The following RUFY4 variants were observed in gnomAD, a reference collection of about 807,000 sequenced individuals.
RUFY4 encodes the protein RUN and FYVE domain containing 4.
RUFY4 carries 73 observed loss-of-function variants against 69.0 expected under a neutral mutation model. The ratio of observed to expected loss-of-function variants is 1.06; its 90% CI spans 0.88 to 1.29. The LOEUF is 1.29. Ranked by LOEUF, RUFY4 falls within the 50% of genes most tolerant of loss-of-function variation. RUFY4 has a pLI of 0.00. For missense variants in RUFY4, 770 were observed against 705.6 expected (o/e 1.09, Z -1.03); for synonymous variants, 287 against 271.8 (o/e 1.06, Z -0.55).
chr2:218,038,012 A>T (rs2106024278), intron 2 of RUFY4, among the ~76,000 whole-genome samples: 1 of 152,318 alleles, frequency 6.6e-6, no homozygotes, highest in Non-Finnish European at 1.5e-5. Flanking sequence ...TTCATAAAAA[A>T]CATTATCCTC....
chr2:218,080,397 G>A (rs1161909943), intron 8 of RUFY4, among the ~76,000 whole-genome samples: 1 of 152,194 alleles, frequency 6.6e-6, no homozygotes, highest in East Asian at 1.9e-4. Flanking sequence ...GGCCCATGGG[G>A]CTGTGAAAAC....
chr2:218,049,700 G>T (rs1356992790), intron 2 of RUFY4, among the ~76,000 whole-genome samples: 1 of 151,910 alleles, frequency 6.6e-6, no homozygotes, highest in African/African-American at 2.4e-5. Flanking sequence ...TAGTGACGGG[G>T]TTTCTCCCTG....
intron 10 of RUFY4, chr2:218,089,606 C>T: frequency 8.8e-6 from 6 of 684,506 alleles, no homozygotes; most frequent in East Asian, 5.4e-5. Context: ...CTCCAAGAGC[C>T]GATTGAGAAA....
chr2:218,082,751 C>T (rs1404199344), intron 8 of RUFY4, among the ~76,000 whole-genome samples: 1 of 148,636 alleles, frequency 6.7e-6, no homozygotes, highest in African/African-American at 2.5e-5. Flanking sequence ...GTGGTGTGTG[C>T]ATTATATATG....
In RUFY4 at chr2:218,084,363, C is replaced by T. The variant is rs147902311; in HGVS notation, c.1502+1107C>T. Among the ~76,000 whole-genome samples, 1,355 of 152,116 alleles carry T rather than the reference C, an allele frequency of 8.9e-3. 6 individuals carry two copies. Among genetic ancestry groups the T allele is most frequent in the Middle Eastern group, 0.02 (6 of 294 alleles). ...TCTCCTGCCTCAGCCTTCCAAGTAG[C>T]TGGGACTACAGGTGTATGCCACCAT... On this transcript the variant is annotated intron_variant, in intron 9 of 10. Coordinates refer to ENST00000344321, the Ensembl canonical transcript of RUFY4.
Position 218,085,572 on chromosome 2 carries a change from T to C in RUFY4, c.1502+2316T>C, listed in dbSNP as rs183250384. ...AAAATGGTTGGAGAAGTGGATACTG[T>C]GTGAAGCCCAAGTTTTTTGTAGGAT... On this transcript the variant is annotated intron_variant, in intron 9 of 10. Transcript: ENST00000344321. Among the ~76,000 whole-genome samples the C allele has an allele frequency of 8.6e-3, 1,317 of 152,324 alleles. 12 individuals carry two copies. The highest frequency in any genetic ancestry group is 0.014 in the Non-Finnish European group (931 of 68,028).
intron 9 of RUFY4, among the ~76,000 whole-genome samples, chr2:218,088,855 CT>C (rs1461576391): frequency 6.6e-6 from 1 of 151,976 alleles, no homozygotes; most frequent in Non-Finnish European, 1.5e-5. Context: ...CTCTGTGTCT[CT>C]TTCTCTGTGT....
exon 11 of RUFY4, chr2:218,090,170 A>G (rs1434460037): frequency 1.6e-5 from 9 of 552,990 alleles, no homozygotes; most frequent in Non-Finnish European, 2.0e-5. Context: ...CATTCTAGAC[A>G]CTGAAGATCT....
chr2:218,089,575 G>A (rs1237249314), intron 10 of RUFY4: 5 of 663,748 alleles, frequency 7.5e-6, no homozygotes, highest in Admixed American at 4.5e-5. Context: ...AATGGGGTCC[G>A]GGGAGTGGGA....
intron 9 of RUFY4, among the ~76,000 whole-genome samples, chr2:218,083,629 T>C (rs1291126812): frequency 6.6e-6 from 1 of 151,888 alleles, no homozygotes; most frequent in African/African-American, 2.4e-5. Context: ...GTGCCTGTAG[T>C]CCCAGCTACT....
chr2:218,072,677 C>T lies in RUFY4; in HGVS notation c.280-102C>T, dbSNP rs557623647. On this transcript the variant is annotated intron_variant, in intron 3 of 10. Transcript: ENST00000344321. ...CCTCCCATGGCCTCAGGTCCCCCTG[C>T]ACCCTTCCCATTGCCAAGCACTTCC... is the stretch of plus-strand genomic sequence containing the variant. The T allele has an allele frequency of 4.7e-5, 61 of 1,291,916 alleles. No individual in the cohort carries two copies. In the African/African-American group the frequency reaches 7.0e-4, roughly 15 times the overall value. The allele number at this position is 1,291,916 out of a possible 1,614,324, so 80.0% of individuals were successfully genotyped here. A position where few individuals can be genotyped will look rare whatever the true frequency, so the allele number is the denominator to read the frequency against.
intron 2 of RUFY4, among the ~76,000 whole-genome samples, chr2:218,040,202 G>T (rs1959041891): frequency 6.6e-6 from 1 of 152,114 alleles, no homozygotes; most frequent in Non-Finnish European, 1.5e-5. Flanking sequence ...TTCACACCTG[G>T]GACCCCCGCT....
chr2:218,064,011 G>C (rs545449090), intron 3 of RUFY4, among the ~76,000 whole-genome samples: 1 of 152,132 alleles, frequency 6.6e-6, no homozygotes, highest in Non-Finnish European at 1.5e-5. Flanking sequence ...CAGCCCATCA[G>C]AGGCCAGAAG....
intron 8 of RUFY4, among the ~76,000 whole-genome samples, chr2:218,081,794 C>G (rs763054264): frequency 3.9e-5 from 6 of 152,278 alleles, no homozygotes; most frequent in Non-Finnish European, 5.9e-5. Context: ...GTTGCAGTGA[C>G]TGAACTCTTT....
chr2:218,075,353 C>T (rs774472014), exon 7 of RUFY4: 8 of 1,612,246 alleles, frequency 5.0e-6, no homozygotes, highest in South Asian at 1.1e-5. Context: ...TTGAGATCTT[C>T]CTGGGGAACT....
At chr2:218,060,386 G>C (rs1285013733) in intron 3 of RUFY4, 2 of 1,555,530 alleles carry the variant, frequency 1.3e-6, no homozygotes, top group African/African-American at 2.7e-5. Flanking sequence ...ACAAAGGAAG[G>C]CCTGCTGTCT....
At chr2:218,079,374 C>A (rs1002655342) in intron 8 of RUFY4, among the ~76,000 whole-genome samples, 3 of 152,170 alleles carry the variant, frequency 2.0e-5, no homozygotes, top group African/African-American at 7.2e-5. Context: ...GAAAGAAAGA[C>A]AGAAGTTGAG....
intron 8 of RUFY4, among the ~76,000 whole-genome samples, chr2:218,082,102 T>C (rs1689773082): frequency 1.3e-5 from 2 of 152,196 alleles, no homozygotes; most frequent in African/African-American, 2.4e-5. Flanking sequence ...AGGTCTTTTT[T>C]ATTTCCAGTC....
At chr2:218,052,309 C>T (rs1688961298) in intron 2 of RUFY4, among the ~76,000 whole-genome samples, 1 of 152,180 alleles carries the variant, frequency 6.6e-6, no homozygotes, top group African/African-American at 2.4e-5. Context: ...TCAGCTCTTC[C>T]TGATGTGTCT....
Sources: gnomAD v4.1 joint callset for allele counts (sites outside exome capture counted in the v4.1 genomes callset) on GRCh38, gnomAD v4.1.1 for gene constraint, MANE v1.5 for transcripts, NCBI Gene and HGNC (gene_info 2026-07-23, HGNC 2026-07-21) for gene names.